RBM20: variants seen among roughly 807,000 people sequenced by gnomAD.
RBM20 encodes RNA binding motif protein 20.
In RBM20, 51 loss-of-function variants were observed where a neutral mutation model predicts 110.1. That is an observed-to-expected ratio of 0.46 (90% CI 0.37 to 0.59). The LOEUF is 0.59. RBM20 is among the 20% of genes least tolerant of loss of function. The pLI, the probability that RBM20 is intolerant of heterozygous loss-of-function variation, is 0.00. For synonymous variants in RBM20, 589 were observed against 618.2 expected, an observed-to-expected ratio of 0.95 and a Z score of 0.70; for missense variants, 1,512 against 1,574.9, an observed-to-expected ratio of 0.96 and a Z score of 0.68.
intron 1 of RBM20, among the ~76,000 whole-genome samples, chr10:110,722,840 G>T (rs1291185697): frequency 1.3e-5 from 2 of 152,150 alleles, no homozygotes; most frequent in African/African-American, 4.8e-5. Flanking sequence ...GGCTGAGCAT[G>T]GTGGCTTAAA....
chr10:110,736,370 C>A (rs1222068613), intron 1 of RBM20, among the ~76,000 whole-genome samples: 2 of 147,276 alleles, frequency 1.4e-5, no homozygotes, highest in Admixed American at 1.3e-4. Flanking sequence ...CTGTGCGTGT[C>A]AAGACACTGT....
intron 1 of RBM20, among the ~76,000 whole-genome samples, chr10:110,682,428 C>G (rs1241034615): frequency 1.3e-5 from 2 of 152,160 alleles, no homozygotes; most frequent in Non-Finnish European, 2.9e-5. Context: ...CACATGTTCT[C>G]TGTTGCAACT....
At chr10:110,705,770 C>T (rs1862828081) in intron 1 of RBM20, among the ~76,000 whole-genome samples, 1 of 152,214 alleles carries the variant, frequency 6.6e-6, no homozygotes, top group African/African-American at 2.4e-5. Flanking sequence ...AGTAGCTTCT[C>T]ATTGACATTG....
chr10:110,702,685 T>C (rs1862777047), intron 1 of RBM20, among the ~76,000 whole-genome samples: 1 of 152,238 alleles, frequency 6.6e-6, no homozygotes, highest in Admixed American at 6.5e-5. Flanking sequence ...GTCCACCCAC[T>C]AGCCCTCATG....
chr10:110,821,841 T>C lies in RBM20; in HGVS notation c.3222T>C (p.Asp1074=), dbSNP rs1238080930. The C allele has an allele frequency of 2.6e-6, 4 of 1,551,742 alleles. No individual in the cohort carries two copies. The South Asian group carries it at 4.8e-5, about 18-fold the overall frequency. Residue 1074 remains aspartate, a synonymous_variant, in exon 11 of 14, where the codon GAT becomes GAC. Transcript: ENST00000369519. ...DDCKTRGTPE[D]GACEGSPLEE... is the part of the protein sequence containing the mutation. ...GCAAGACCAGGGGGACCCCCGAAGA[T>C]GGGGCTTGTGAAGGCAGCCCCCTGG...
intron 9 of RBM20, 72 bp downstream of exon 9, chr10:110,813,019 G>A (rs1251166707): frequency 6.5e-6 from 7 of 1,079,830 alleles, no homozygotes; most frequent in Non-Finnish European, 6.4e-6. Flanking sequence ...AATATAATGA[G>A]GATGAACGTT....
chr10:110,741,334 A>T (rs144382632), intron 1 of RBM20, among the ~76,000 whole-genome samples: 13 of 152,240 alleles, frequency 8.5e-5, no homozygotes, highest in Non-Finnish European at 1.8e-4. Context: ...AATAACAGGT[A>T]TCTGCCTCTG....
chr10:110,809,646 A>G (rs1003172082), intron 7 of RBM20, among the ~76,000 whole-genome samples: 4 of 152,148 alleles, frequency 2.6e-5, no homozygotes, highest in African/African-American at 7.2e-5. Flanking sequence ...GCTGCCTACT[A>G]TTCTCAGCTG....
Position 110,796,341 on chromosome 10 carries a change from C to G in RBM20, c.1528-1167C>G, listed in dbSNP as rs1160147269. Reference sequence around the variant, plus strand: ...ACAGTAGAGACCAGTATAATTAATCCTTGTATACCCATCACCCAATTCCAA... The same window carrying G: ...ACAGTAGAGACCAGTATAATTAATCGTTGTATACCCATCACCCAATTCCAA... On this transcript the variant is annotated intron_variant, in intron 5 of 13. Transcript: ENST00000369519. Among the ~76,000 whole-genome samples, 3 of 152,138 alleles carry G rather than the reference C, an allele frequency of 2.0e-5. No individual in the cohort carries two copies. The East Asian group carries it at 5.8e-4, about 29-fold the overall frequency.
Position 110,739,614 on chromosome 10 carries a change from G to A in RBM20, c.192-41187G>A, listed in dbSNP as rs971939194. On this transcript the variant is annotated intron_variant, in intron 1 of 13. Transcript: ENST00000369519. This position sits in a 1 kb window ranked among gnomAD's most constrained non-coding sequence, Gnocchi z 4.1. ...GAAAGAACTCAACTCGAGGACTGAC[G>A]TGGTGGTGGAAGGCAGAGTGGCAGG... Among the ~76,000 whole-genome samples the A allele has an allele frequency of 6.6e-6, 1 of 152,208 alleles. No individual in the cohort carries two copies. Among genetic ancestry groups the A allele is most frequent in the East Asian group, 1.9e-4 (1 of 5,208 alleles).
At chr10:110,786,266 G>T (rs1844417748) in intron 5 of RBM20, among the ~76,000 whole-genome samples, 1 of 152,236 alleles carries the variant, frequency 6.6e-6, no homozygotes. Flanking sequence ...TGCTTTTGTG[G>T]TGTGAGTTGC....
intron 1 of RBM20, among the ~76,000 whole-genome samples, chr10:110,677,224 C>G (rs1862351854): frequency 6.6e-6 from 1 of 152,162 alleles, no homozygotes; most frequent in South Asian, 2.1e-4. Flanking sequence ...CATAATAACC[C>G]ATTAATCCAT....
intron 2 of RBM20, 82 bp downstream of exon 2, chr10:110,781,966 G>A: frequency 6.6e-7 from 1 of 1,516,370 alleles, no homozygotes; most frequent in Non-Finnish European, 8.9e-7. Context: ...CGCTGCCAAT[G>A]GGCAAGGAAC....
rs993549565 is a variant in RBM20, at chr10:110,838,201, C to T, written c.*2223C>T. ...CCTCCGCTCAGCTCATGGGAACACT[C>T]ATTCTATTTTATAGAATGACATGTT... On this transcript the variant is annotated 3_prime_UTR_variant, in exon 14 of 14. Coordinates refer to ENST00000369519, the MANE Select transcript of RBM20 (RefSeq NM_001134363.3). The T allele has an allele frequency of 6.6e-6, 1 of 152,184 alleles. No individual in the cohort carries two copies. The highest frequency in any genetic ancestry group is 2.1e-4 in the South Asian group (1 of 4,826). 9.4% of individuals were successfully genotyped at this position (152,184 alleles called of 1,614,324 possible).
At chr10:110,771,063 T>A (rs1421033383) in intron 1 of RBM20, among the ~76,000 whole-genome samples, 1 of 152,228 alleles carries the variant, frequency 6.6e-6, no homozygotes, top group Non-Finnish European at 1.5e-5. Context: ...ACAGGGAACA[T>A]TAAGCCAAGA....
chr10:110,823,206 C>G (rs548539129), intron 11 of RBM20, among the ~76,000 whole-genome samples: 39 of 152,246 alleles, frequency 2.6e-4, no homozygotes, highest in Middle Eastern at 3.4e-3. Flanking sequence ...ATCTTCTCAA[C>G]TGAAGGCATC....
rs1843702086 is a variant in RBM20 at position 110,739,193 on chromosome 10, A to G, written c.192-41608A>G. ...GCATAGTCTGATTTATGCTATATGT[A>G]TGTAACTACTTTAGTACAGTTGAGG... is the stretch of plus-strand genomic sequence containing the variant. On this transcript the variant is annotated intron_variant, in intron 1 of 13. Transcript: ENST00000369519. The surrounding 1 kb of genome is among the most constrained non-coding windows in gnomAD (Gnocchi z 4.1). Among the ~76,000 whole-genome samples the G allele has an allele frequency of 6.6e-6, 1 of 152,292 alleles. No homozygotes were observed. Among genetic ancestry groups the G allele is most frequent in the African/African-American group, 2.4e-5 (1 of 41,570 alleles).
In RBM20 at chr10:110,797,492, T is replaced by C. The variant is rs191166138; in HGVS notation, c.1528-16T>C. ...ACCGTCTTCTGAATACCACTAATGA[T>C]CTTTGTTCCCATTAGTTTGCACAGC... On this transcript the variant is annotated splice_polypyrimidine_tract_variant and intron_variant, in intron 5 of 13. Coordinates refer to ENST00000369519, the MANE Select transcript of RBM20 (RefSeq NM_001134363.3). 2.3e-4 allele frequency: 357 copies of C among 1,546,082 alleles called. 2 individuals carry two copies. In the African/African-American group the frequency reaches 4.4e-3, roughly 19 times the overall value.
chr10:110,765,762 C>G (rs988607832), intron 1 of RBM20, among the ~76,000 whole-genome samples: 1 of 151,992 alleles, frequency 6.6e-6, no homozygotes, highest in Non-Finnish European at 1.5e-5. Context: ...TCTTATATCA[C>G]GGAGATTTTT....
Sources: gnomAD v4.1 joint callset for allele counts (sites outside exome capture counted in the v4.1 genomes callset) on GRCh38, gnomAD v4.1.1 for gene constraint, Gnocchi (gnomAD v3.1) non-coding constraint, MANE v1.5 for transcripts, NCBI Gene and HGNC (gene_info 2026-07-23, HGNC 2026-07-21) for gene names.